DEPDC1B: variants seen among roughly 807,000 people sequenced by gnomAD.
DEPDC1B encodes the protein DEP domain-containing protein 1B.
In DEPDC1B, 51 loss-of-function variants were observed where a neutral mutation model predicts 66.5. The observed-to-expected ratio is 0.77, with a 90% CI of 0.61 to 0.97. The LOEUF (loss-of-function observed/expected upper bound fraction) is 0.97. Ranked by LOEUF, DEPDC1B falls within the 50% of genes least tolerant of loss-of-function variation. The probability of loss-of-function intolerance (pLI) is 0.00; values close to 1 mark genes in which losing one functional copy is unlikely to be tolerated. For missense variants in DEPDC1B, 552 were observed against 637.1 expected (o/e 0.87, Z 1.44); for synonymous variants, 226 against 223.6 (o/e 1.01, Z -0.10).
At chr5:60,628,847 A>C (rs1278149400) in intron 7 of DEPDC1B, among the ~76,000 whole-genome samples, 1 of 152,230 alleles carries the variant, frequency 6.6e-6, no homozygotes, top group African/African-American at 2.4e-5. Context: ...ACAGATATAA[A>C]TATGTACTTA....
chr5:60,642,032 T>C (rs1753202936), intron 6 of DEPDC1B, among the ~76,000 whole-genome samples: 1 of 152,190 alleles, frequency 6.6e-6, no homozygotes, highest in Non-Finnish European at 1.5e-5. Context: ...TATTTTAGTT[T>C]CATTCTATAA....
chr5:60,647,610 G>T (rs1753351078), intron 2 of DEPDC1B, 77 bp from the exon 3 acceptor site: 1 of 1,489,084 alleles, frequency 6.7e-7, no homozygotes, highest in East Asian at 2.4e-5. Context: ...CTCCACTTTG[G>T]TGTATCTGAA....
intron 2 of DEPDC1B, among the ~76,000 whole-genome samples, chr5:60,675,804 A>G (rs1324660253): frequency 6.6e-6 from 1 of 151,750 alleles, no homozygotes; most frequent in East Asian, 1.9e-4. Flanking sequence ...CTGCCTTACA[A>G]TCTATTCTGT....
chr5:60,665,791 G>T (rs1433510855), intron 2 of DEPDC1B, among the ~76,000 whole-genome samples: 1 of 152,294 alleles, frequency 6.6e-6, no homozygotes, highest in East Asian at 1.9e-4. Flanking sequence ...TAAACACGGG[G>T]CTTGTAACTC....
intron 7 of DEPDC1B, among the ~76,000 whole-genome samples, chr5:60,618,416 G>A (rs878890716): frequency 6.6e-6 from 1 of 151,952 alleles, no homozygotes; most frequent in South Asian, 2.1e-4. Context: ...AGAAAAGAGA[G>A]AAGAATCAAA....
Position 60,699,443 on chromosome 5 carries a change from G to GAAAAAAAAAAAAAAAAAAAAAAAAA in DEPDC1B, c.48+602_48+603insTTTTTTTTTTTTTTTTTTTTTTTTT, listed in dbSNP as rs528758437. 3.4e-5 allele frequency among the ~76,000 whole-genome samples: 3 copies of GAAAAAAAAAAAAAAAAAAAAAAAAA among 89,364 alleles called. 1 individual carries two copies. The highest frequency in any genetic ancestry group is 5.5e-5 in the African/African-American group (1 of 18,190). The allele number at this position is 89,364 out of a possible 152,430, so 58.6% of individuals were successfully genotyped here. On this transcript the variant is annotated intron_variant, in intron 1 of 10. Coordinates refer to ENST00000265036, the MANE Select transcript of DEPDC1B (RefSeq NM_018369.3). ...CCTCAATACCAAAGCTTTTCTCCCAGAAAAAAAAAAAAAAAAAAACAGGAA... is the reference window on the plus strand; with the variant it reads ...CCTCAATACCAAAGCTTTTCTCCCAGAAAAAAAAAAAAAAAAAAAAAAAAAAAAAAAAAAAAAAAAAAAACAGGAA...
chr5:60,683,813 T>C (rs975882883), intron 2 of DEPDC1B, among the ~76,000 whole-genome samples: 3 of 151,932 alleles, frequency 2.0e-5, no homozygotes, highest in Non-Finnish European at 4.4e-5. Flanking sequence ...AAACAGGAAG[T>C]CAAGTACTCC....
chr5:60,677,563 GTCTC>G (rs990613356), intron 2 of DEPDC1B, among the ~76,000 whole-genome samples: 1 of 151,482 alleles, frequency 6.6e-6, no homozygotes, highest in Admixed American at 6.6e-5. Context: ...ATGAGACAAG[GTCTC>G]TCTCTGTCAC....
At chr5:60,699,441 C>CAAAAAAAAAAAAAAAA (rs1250552536) in intron 1 of DEPDC1B, among the ~76,000 whole-genome samples, 1 of 13,950 alleles carries the variant, frequency 7.2e-5, no homozygotes, top group African/African-American at 1.3e-3. Context: ...GCTTTTCTCC[C>CAAAAAAAAAAAAAAAA]AGAAAAAAAA....
intron 5 of DEPDC1B, among the ~76,000 whole-genome samples, chr5:60,643,114 AAAG>A (rs1218111756): frequency 6.6e-6 from 1 of 152,234 alleles, no homozygotes; most frequent in East Asian, 1.9e-4. Flanking sequence ...GCTATAGTAA[AAAG>A]AAAAAAATGT....
chr5:60,606,609 C>CACAA (rs1752315292), intron 7 of DEPDC1B, among the ~76,000 whole-genome samples: 3 of 46,618 alleles, frequency 6.4e-5, no homozygotes, highest in African/African-American at 1.9e-4. Context: ...CCCATTTCTA[C>CACAA]AAAAAAAAAA....
Position 60,652,185 on chromosome 5 carries a change from T to C in DEPDC1B, c.315-4652A>G, listed in dbSNP as rs186115822. Among the ~76,000 whole-genome samples, 99 of 149,518 alleles carry C rather than the reference T, an allele frequency of 6.6e-4. 4 individuals are homozygous for C. The highest frequency in any genetic ancestry group is 1.2e-3 in the Non-Finnish European group (83 of 67,926). ...AAATATGCACATGTGCAATTGCGCTTCATGCACCTTTCATGGGTTGCATGT... is the reference window on the plus strand; with the variant it reads ...AAATATGCACATGTGCAATTGCGCTCCATGCACCTTTCATGGGTTGCATGT... On this transcript the variant is annotated intron_variant, in intron 2 of 10. Coordinates refer to ENST00000265036, the MANE Select transcript of DEPDC1B (RefSeq NM_018369.3).
intron 1 of DEPDC1B, 120 bp from the exon 2 acceptor site, chr5:60,687,347 G>T: frequency 8.0e-7 from 1 of 1,244,120 alleles, no homozygotes; most frequent in South Asian, 1.5e-5. Context: ...ATAACAGGTA[G>T]AGCCTTGAAA....
intron 2 of DEPDC1B, 62 bp downstream of exon 2, chr5:60,686,900 C>G: frequency 6.3e-7 from 1 of 1,588,580 alleles, no homozygotes; most frequent in Non-Finnish European, 8.6e-7. Flanking sequence ...CTTCAACAGA[C>G]TTGGACCAGA....
intron 10 of DEPDC1B, 97 bp from the exon 11 acceptor site, chr5:60,598,011 C>T (rs1429002012): frequency 1.8e-6 from 2 of 1,091,526 alleles, no homozygotes; most frequent in East Asian, 5.7e-5. Flanking sequence ...CCTGTATTTT[C>T]CTGTTTTTGT....
chr5:60,665,013 C>T (rs897710357), intron 2 of DEPDC1B, among the ~76,000 whole-genome samples: 3 of 152,006 alleles, frequency 2.0e-5, no homozygotes, highest in Non-Finnish European at 4.4e-5. Flanking sequence ...AGAAGGGAAC[C>T]GCCAAGTGGA....
intron 2 of DEPDC1B, among the ~76,000 whole-genome samples, chr5:60,683,738 T>C (rs1426613958): frequency 6.6e-6 from 1 of 152,022 alleles, no homozygotes; most frequent in Non-Finnish European, 1.5e-5. Context: ...TTACTGAAAA[T>C]AGTACTGGAA....
chr5:60,609,100 C>A (rs1752367189), intron 7 of DEPDC1B, among the ~76,000 whole-genome samples: 1 of 151,338 alleles, frequency 6.6e-6, no homozygotes, highest in African/African-American at 2.4e-5. Flanking sequence ...AAGAGCAATA[C>A]CCTGGGAAAG....
intron 9 of DEPDC1B, 81 bp from the exon 10 acceptor site, chr5:60,599,341 A>C (rs1173668616): frequency 3.5e-6 from 4 of 1,146,524 alleles, no homozygotes; most frequent in Non-Finnish European, 3.5e-6. Flanking sequence ...CAAATACAGG[A>C]TATCTCCTTG....
Sources: allele counts gnomAD v4.1 joint callset (sites outside exome capture counted in the v4.1 genomes callset), GRCh38; gene constraint gnomAD v4.1.1; transcripts MANE v1.5; gene names NCBI Gene and HGNC (gene_info 2026-07-23, HGNC 2026-07-21).